Variants in SPAG1 observed in about 807,000 individuals in gnomAD.
The protein encoded by SPAG1 is sperm associated antigen 1.
SPAG1 carries 69 observed loss-of-function variants against 100.5 expected under a neutral mutation model. That is an observed-to-expected ratio of 0.69 (90% CI 0.57 to 0.84). SPAG1 has a LOEUF of 0.84. Among genes scored for constraint, SPAG1 ranks in the 40% least tolerant of loss-of-function variants. The pLI, the probability that SPAG1 is intolerant of heterozygous loss-of-function variation, is 0.00. For synonymous variants in SPAG1, 336 were observed against 411.6 expected, an observed-to-expected ratio of 0.82 and a Z score of 2.22; for missense variants, 955 against 1,133.1, an observed-to-expected ratio of 0.84 and a Z score of 2.26.
intron 10 of SPAG1, among the ~76,000 whole-genome samples, chr8:100,205,403 AG>A (rs1427377921): frequency 6.6e-6 from 1 of 152,230 alleles, no homozygotes; most frequent in Non-Finnish European, 1.5e-5. Context: ...GCGGTCCTCC[AG>A]GTAAAGTATG....
intron 8 of SPAG1, among the ~76,000 whole-genome samples, chr8:100,187,898 G>A (rs921718464): frequency 6.6e-6 from 1 of 152,052 alleles, no homozygotes; most frequent in African/African-American, 2.4e-5. Context: ...TGTCACCCAG[G>A]CTGGAGTGCA....
intron 8 of SPAG1, among the ~76,000 whole-genome samples, chr8:100,190,800 G>A (rs1020736181): frequency 1.3e-5 from 2 of 151,558 alleles, no homozygotes; most frequent in Non-Finnish European, 2.9e-5. Context: ...GAGTAGCTGG[G>A]ATTACAGATG....
intron 12 of SPAG1, 69 bp from the exon 13 acceptor site, chr8:100,220,191 GTTCAGTACTGCAGTATCTA>G: frequency 9.4e-7 from 1 of 1,061,688 alleles, no homozygotes; most frequent in South Asian, 1.6e-5. Context: ...ATATTTGAGA[GTTCAGTACTGCAGTATCTA>G]TTCAGTGAAG....
intron 2 of SPAG1, among the ~76,000 whole-genome samples, chr8:100,164,003 A>G (rs768450): frequency 0.36 from 54,824 of 152,010 alleles, 10,165 homozygotes; most frequent in East Asian, 0.51. Flanking sequence ...ATATTTTTCT[A>G]GAAATGTAAG....
intron 6 of SPAG1, 85 bp downstream of exon 6, chr8:100,184,147 T>G: frequency 1.7e-6 from 1 of 596,964 alleles, no homozygotes. Context: ...ACATTGTCTT[T>G]GAGTACTGCA....
chr8:100,170,898 G>T (rs1342726701), intron 3 of SPAG1, among the ~76,000 whole-genome samples: 1 of 151,744 alleles, frequency 6.6e-6, no homozygotes, highest in Non-Finnish European at 1.5e-5. Flanking sequence ...TTCAGCAGAA[G>T]TGGTAAGAGC....
At chr8:100,183,330 T>A (rs781582670) in intron 4 of SPAG1, 45 bp from the exon 5 acceptor site, 15 of 880,196 alleles carry the variant, frequency 1.7e-5, no homozygotes, top group Non-Finnish European at 2.6e-5. Flanking sequence ...AACCTGATAA[T>A]CTTATATTAA....
chr8:100,184,187 C>A (rs567156240), intron 6 of SPAG1, 125 bp downstream of exon 6: 236 of 459,984 alleles, frequency 5.1e-4, no homozygotes, highest in African/African-American at 4.3e-3. Context: ...TATGGATTTT[C>A]TCTTACAGTT....
At position 100,241,068 on chromosome 8, in the gene SPAG1, G is replaced by A; in HGVS notation, c.*46G>A. ...TCTTCCATGCATGTATGTGTTCCAG[G>A]AATGTTAATGAGATGGTATTGTAAA... On this transcript the variant is annotated 3_prime_UTR_variant, in exon 19 of 19. Coordinates refer to ENST00000388798, the MANE Select transcript of SPAG1 (RefSeq NM_003114.5). The surrounding 1 kb of genome is among the most constrained non-coding windows in gnomAD (Gnocchi z 5.1). The A allele has an allele frequency of 6.3e-7, 1 of 1,586,920 alleles. No individual in the cohort carries two copies. Among genetic ancestry groups the A allele is most frequent in the Non-Finnish European group, 8.6e-7 (1 of 1,165,038 alleles).
chr8:100,187,857 A>G (rs1399871898), intron 8 of SPAG1, among the ~76,000 whole-genome samples: 2 of 151,954 alleles, frequency 1.3e-5, no homozygotes, highest in African/African-American at 2.4e-5. Context: ...GTTTGTTTGT[A>G]TGTTTGTTTT....
At chr8:100,193,188 G>A (rs1210255495) in intron 9 of SPAG1, among the ~76,000 whole-genome samples, 3 of 152,150 alleles carry the variant, frequency 2.0e-5, no homozygotes, top group Admixed American at 6.5e-5. Context: ...AGCTGGGCAC[G>A]GTGGCTCACA....
rs1359022539 is a variant in SPAG1 at position 100,233,461 on chromosome 8, G to A, written c.2039G>A (p.Cys680Tyr). 6.2e-7 allele frequency: 1 copy of A among 1,614,132 alleles called. No individual in the cohort carries two copies. Among genetic ancestry groups the A allele is most frequent in the South Asian group, 1.1e-5 (1 of 91,086 alleles). Residue 680 changes from cysteine to tyrosine, a missense_variant, in exon 16 of 19, where the codon TGT (cysteine) becomes TAT (tyrosine). Physicochemically the swap from Cys to Tyr is radical, Grantham distance 194. Coordinates refer to ENST00000388798, the MANE Select transcript of SPAG1 (RefSeq NM_003114.5). The part of the protein sequence containing the change: ...LCQFEEAKQD[C>Y]DQALQLADGN... ...CAGTTTGAAGAAGCAAAGCAGGACT[G>A]TGATCAGGCACTTCAGCTAGCTGAT... is the stretch of plus-strand genomic sequence containing the variant.
At chr8:100,238,665 GACTCTAGC>G (rs778241976) in intron 16 of SPAG1, among the ~76,000 whole-genome samples, 5 of 152,158 alleles carry the variant, frequency 3.3e-5, no homozygotes, top group Non-Finnish European at 5.9e-5. Context: ...ATTAAATGTT[GACTCTAGC>G]CAATTCGAAG....
intron 12 of SPAG1, 54 bp downstream of exon 12, chr8:100,213,972 G>A: frequency 9.9e-7 from 1 of 1,011,146 alleles, no homozygotes; most frequent in Non-Finnish European, 1.5e-6. Flanking sequence ...TCATTATGGT[G>A]AATGCAATAT....
chr8:100,168,472 C>T (rs1275200058), intron 3 of SPAG1, among the ~76,000 whole-genome samples: 1 of 151,976 alleles, frequency 6.6e-6, no homozygotes, highest in African/African-American at 2.4e-5. Flanking sequence ...CAGCTCGCTG[C>T]AGCCTTGACC....
intron 4 of SPAG1, among the ~76,000 whole-genome samples, 171 bp downstream of exon 4, chr8:100,178,112 T>C (rs1447181239): frequency 2.6e-5 from 4 of 152,266 alleles, no homozygotes; most frequent in Non-Finnish European, 5.9e-5. Context: ...CGTTCTTTAC[T>C]GTCTCATTAC....
intron 10 of SPAG1, among the ~76,000 whole-genome samples, chr8:100,209,205 A>G (rs536542876): frequency 1.4e-4 from 21 of 152,040 alleles, no homozygotes; most frequent in African/African-American, 5.1e-4. Context: ...CATTGTTGAG[A>G]CTTGGACTGG....
intron 3 of SPAG1, among the ~76,000 whole-genome samples, chr8:100,174,881 A>C (rs1240261441): frequency 6.6e-6 from 1 of 151,414 alleles, no homozygotes; most frequent in Non-Finnish European, 1.5e-5. Context: ...CTCTTTTATG[A>C]TTTCCTTGAT....
rs1459981226 is a variant in SPAG1 at position 100,240,512 on chromosome 8, A to G, written c.2390A>G (p.Lys797Arg). The change falls in exon 18 of 19, where the codon AAA (lysine) becomes AGA (arginine). Residue 797 changes from lysine (K) to arginine (R), a missense_variant. By Grantham distance (26) the Lys-to-Arg change is conservative. Transcript: ENST00000388798. ...KSSRSPEDPEKLPIAKPNNAY... is the reference protein window; with the variant it reads ...KSSRSPEDPERLPIAKPNNAY... ...AGCAGGTCACCAGAAGACCCTGAGA[A>G]ACTTCCGATAGCCAAGCCTAATAAT... The G allele has an allele frequency of 1.2e-6, 2 of 1,614,060 alleles. No individual in the cohort carries two copies. The highest frequency in any genetic ancestry group is 1.1e-5 in the South Asian group (1 of 91,078).
Sources: allele counts gnomAD v4.1 joint callset (sites outside exome capture counted in the v4.1 genomes callset), GRCh38; gene constraint gnomAD v4.1.1; non-coding constraint Gnocchi (gnomAD v3.1); transcripts MANE v1.5; gene names NCBI Gene and HGNC (gene_info 2026-07-23, HGNC 2026-07-21).